LGR6: variants seen among roughly 807,000 people sequenced by gnomAD.
The protein encoded by LGR6 is leucine rich repeat containing G protein-coupled receptor 6.
Under a neutral mutation model 69.4 loss-of-function variants are expected in LGR6, and 45 were observed. The ratio of observed to expected loss-of-function variants is 0.65; its 90% CI spans 0.51 to 0.83. The LOEUF (loss-of-function observed/expected upper bound fraction) is 0.83. Ranked by LOEUF, LGR6 falls within the 40% of genes least tolerant of loss-of-function variation. LGR6 has a pLI of 0.00. For missense variants in LGR6, 1,108 were observed against 1,246.7 expected (o/e 0.89, Z 1.68); for synonymous variants, 538 against 555.0 (o/e 0.97, Z 0.43).
chr1:202,278,120 T>A (rs959064815), intron 5 of LGR6, among the ~76,000 whole-genome samples: 1 of 152,038 alleles, frequency 6.6e-6, no homozygotes, highest in Non-Finnish European at 1.5e-5. Context: ...CAGGCAAGGG[T>A]TAAAAGGGAG....
At chr1:202,206,792 A>G (rs891412568) in intron 1 of LGR6, among the ~76,000 whole-genome samples, 1 of 152,004 alleles carries the variant, frequency 6.6e-6, no homozygotes, top group Non-Finnish European at 1.5e-5. Flanking sequence ...CTGGTCTTGA[A>G]CTTGCTGGGA....
At chr1:202,226,563 C>G (rs1445948450) in intron 2 of LGR6, among the ~76,000 whole-genome samples, 2 of 152,056 alleles carry the variant, frequency 1.3e-5, no homozygotes, top group Admixed American at 6.6e-5. Flanking sequence ...AGTTTTGACC[C>G]CCAGGGCCAT....
intron 17 of LGR6, among the ~76,000 whole-genome samples, chr1:202,315,835 G>A (rs1212510972): frequency 6.6e-6 from 1 of 152,176 alleles, no homozygotes; most frequent in Non-Finnish European, 1.5e-5. Context: ...GAGGAAGCAG[G>A]TGCTGCTTCT....
rs903138031 is a variant in LGR6, at chr1:202,304,568, C to T, written c.1008C>T (p.Thr336=). The T allele has an allele frequency of 1.2e-6, 2 of 1,608,910 alleles. No homozygotes were observed. The highest frequency in any genetic ancestry group is 3.3e-5 in the Admixed American group (2 of 59,950). The change falls in exon 11 of 18, where the codon ACC becomes ACT. Residue 336 remains threonine (T), a synonymous_variant. Transcript: ENST00000367278. The stretch of plus-strand genomic sequence containing the variant: ...TCTGTTCTCCCTGCAGGACCCTGAC[C>T]CGCGCAGGCATCCGGCTGCTCCCAT... ...GTTSLEILTL[T]RAGIRLLPSG...
intron 1 of LGR6, 148 bp from the exon 2 acceptor site, chr1:202,225,275 G>A (rs1660430570): frequency 1.4e-6 from 1 of 707,276 alleles, no homozygotes; most frequent in East Asian, 2.6e-5. Flanking sequence ...CGCAGCTGCT[G>A]TTGTCAGACT....
At chr1:202,287,173 TTC>T (rs1666455400) in intron 6 of LGR6, among the ~76,000 whole-genome samples, 1 of 152,224 alleles carries the variant, frequency 6.6e-6, no homozygotes, top group South Asian at 2.1e-4. Flanking sequence ...CTCTCTTTTC[TTC>T]TGTTTCTTTA....
rs145304232 is a variant in LGR6, at chr1:202,252,477, G to A, written c.428+16484G>A. On this transcript the variant is annotated intron_variant, in intron 4 of 17. Transcript: ENST00000367278. ...CTTGGCTTTCCCATCTGTAAAGTGGGTGCAGCCCCTGGGCTCCTGTACGTG... is the reference window on the plus strand; with the variant it reads ...CTTGGCTTTCCCATCTGTAAAGTGGATGCAGCCCCTGGGCTCCTGTACGTG... Among the ~76,000 whole-genome samples, 338 of 152,242 alleles carry A rather than the reference G, an allele frequency of 2.2e-3. 1 individual carries two copies. The highest frequency in any genetic ancestry group is 4.1e-3 in the Non-Finnish European group (277 of 68,018).
At chr1:202,211,869 G>A (rs1320477580) in intron 1 of LGR6, among the ~76,000 whole-genome samples, 1 of 152,200 alleles carries the variant, frequency 6.6e-6, no homozygotes, top group Non-Finnish European at 1.5e-5. Flanking sequence ...AGCAACGATC[G>A]TGATTTCTAA....
chr1:202,311,630 C>G (rs1436402289), intron 16 of LGR6, among the ~76,000 whole-genome samples: 1 of 152,118 alleles, frequency 6.6e-6, no homozygotes, highest in Non-Finnish European at 1.5e-5. Flanking sequence ...ACTGCAAACT[C>G]CAGCCTGGGT....
At chr1:202,290,601 G>A (rs78390859) in intron 6 of LGR6, among the ~76,000 whole-genome samples, 1 of 152,226 alleles carries the variant, frequency 6.6e-6, no homozygotes, top group Non-Finnish European at 1.5e-5. Context: ...GGCCAGGCGC[G>A]GTGGCTCACG....
chr1:202,315,282 G>A (rs1654058466), intron 17 of LGR6, among the ~76,000 whole-genome samples: 1 of 152,132 alleles, frequency 6.6e-6, no homozygotes, highest in Admixed American at 6.5e-5. Flanking sequence ...ACTCCAACAG[G>A]TCACCTTCTC....
chr1:202,306,225 C>T (rs956791451), intron 12 of LGR6, among the ~76,000 whole-genome samples: 40 of 152,210 alleles, frequency 2.6e-4, no homozygotes, highest in African/African-American at 9.4e-4. Flanking sequence ...TGTGGAAGAA[C>T]AAGCCTGGGA....
chr1:202,240,581 G>T (rs2148019992), intron 4 of LGR6, among the ~76,000 whole-genome samples: 1 of 152,142 alleles, frequency 6.6e-6, no homozygotes, highest in South Asian at 2.1e-4. Context: ...TGTGTTGGTG[G>T]GAAGAGGGGA....
chr1:202,198,151 T>A (rs1420549639), intron 1 of LGR6, among the ~76,000 whole-genome samples: 2 of 151,844 alleles, frequency 1.3e-5, no homozygotes, highest in African/African-American at 4.8e-5. Flanking sequence ...TGTGTGTGTC[T>A]GTGTGTGTGT....
At chr1:202,305,524 G>A (rs1424082075) in intron 11 of LGR6, among the ~76,000 whole-genome samples, 160 bp from the exon 12 acceptor site, 1 of 152,058 alleles carries the variant, frequency 6.6e-6, no homozygotes, top group Non-Finnish European at 1.5e-5. Context: ...GGAGACTGGT[G>A]CCCTGGTGTG....
At chr1:202,221,947 ACCAACAT>A (rs1253041823) in intron 1 of LGR6, among the ~76,000 whole-genome samples, 1 of 5,842 alleles carries the variant, frequency 1.7e-4, no homozygotes. Context: ...AGTAGGAACC[ACCAACAT>A]ACCAACATGA....
intron 4 of LGR6, among the ~76,000 whole-genome samples, chr1:202,254,315 C>T (rs920184739): frequency 6.6e-6 from 1 of 152,180 alleles, no homozygotes; most frequent in African/African-American, 2.4e-5. Context: ...AGGGTGGGAG[C>T]CTGAGGCAGG....
At position 202,293,500 on chromosome 1, in the gene LGR6, T is replaced by G. The variant is rs547212431; in HGVS notation, c.717-4008T>G. ...TCTTGTGCATTTGTCTAGATAGGAGTGGGTTTTTTTTTTTAAACCCATCTC... is the reference window on the plus strand; with the variant it reads ...TCTTGTGCATTTGTCTAGATAGGAGGGGGTTTTTTTTTTTAAACCCATCTC... On this transcript the variant is annotated intron_variant, in intron 6 of 17. Transcript: ENST00000367278. Among the ~76,000 whole-genome samples the G allele has an allele frequency of 2.4e-4, 37 of 151,896 alleles. No homozygotes were observed. The South Asian group carries it at 5.2e-3, about 21-fold the overall frequency.
chr1:202,238,006 C>G (rs1661738867), intron 4 of LGR6, among the ~76,000 whole-genome samples: 1 of 150,894 alleles, frequency 6.6e-6, no homozygotes, highest in African/African-American at 2.4e-5. Flanking sequence ...AAAGACTTCA[C>G]ACAGCTATAA....
Sources: allele counts gnomAD v4.1 joint callset (sites outside exome capture counted in the v4.1 genomes callset), GRCh38; gene constraint gnomAD v4.1.1; transcripts MANE v1.5; gene names NCBI Gene and HGNC (gene_info 2026-07-23, HGNC 2026-07-21).